PHACTR2: variants seen among roughly 807,000 people sequenced by gnomAD.
The protein encoded by PHACTR2 is phosphatase and actin regulator 2.
PHACTR2 carries 30 observed loss-of-function variants against 76.0 expected under a neutral mutation model. The ratio of observed to expected loss-of-function variants is 0.39; its 90% confidence interval spans 0.30 to 0.54. The LOEUF is 0.54. Ranked by LOEUF, PHACTR2 falls within the 20% of genes least tolerant of loss-of-function variation. PHACTR2 has a pLI of 0.61. For synonymous variants in PHACTR2, 292 were observed against 292.5 expected (o/e 1.00, Z 0.02); for missense variants, 696 against 781.1 (o/e 0.89, Z 1.30).
At chr6:143,632,230 C>T (rs1422497068) in intron 1 of PHACTR2, among the ~76,000 whole-genome samples, 2 of 152,142 alleles carry the variant, frequency 1.3e-5, no homozygotes, top group Non-Finnish European at 2.9e-5. Context: ...GGGAAGGCTG[C>T]TGCTTTGAGG....
At chr6:143,586,356 T>A (rs916650115) in intron 1 of PHACTR2, among the ~76,000 whole-genome samples, 12 of 152,246 alleles carry the variant, frequency 7.9e-5, no homozygotes, top group Non-Finnish European at 2.9e-5. Flanking sequence ...TTACAGAGTA[T>A]CTATGTGAAA....
chr6:143,756,175 C>T (rs1316196800), intron 4 of PHACTR2, among the ~76,000 whole-genome samples: 2 of 152,112 alleles, frequency 1.3e-5, no homozygotes, highest in East Asian at 1.9e-4. Context: ...GAAACATCAC[C>T]GTCAAAGAAA....
In PHACTR2 at chr6:143,664,778, T is replaced by C. The variant is rs2128449171; in HGVS notation, c.14-47238T>C. On this transcript the variant is annotated intron_variant, in intron 1 of 11. Transcript: ENST00000305766. This position sits in a 1 kb window ranked among gnomAD's most constrained non-coding sequence, Gnocchi z 5.1. ...ACCACCCTTACCTCTAGGTTCATTT[T>C]CTTTCTTTATTTTTATTTTATTTTA... 6.6e-6 allele frequency among the ~76,000 whole-genome samples: 1 copy of C among 152,170 alleles called. No homozygotes were observed. The highest frequency in any genetic ancestry group is 2.1e-4 in the South Asian group (1 of 4,816).
At position 143,663,766 on chromosome 6, in the gene PHACTR2, T is replaced by A. The variant is rs1020586184; in HGVS notation, c.14-48250T>A. 2.0e-5 allele frequency among the ~76,000 whole-genome samples: 3 copies of A among 152,172 alleles called. No homozygotes were observed. The highest frequency in any genetic ancestry group is 4.4e-5 in the Non-Finnish European group (3 of 68,002). ...TTAACTAGGTTTTCTTGTTGATTTT[T>A]AATTTAATTACATTATGGTCAGAGA... On this transcript the variant is annotated intron_variant, in intron 1 of 11. Coordinates refer to the PHACTR2 transcript ENST00000305766. The surrounding 1 kb of genome is among the most constrained non-coding windows in gnomAD (Gnocchi z 4.1).
Position 143,618,145 on chromosome 6 carries a change from C to T in PHACTR2, c.13+9823C>T, listed in dbSNP as rs1462819483. ...CTGTACCAAGAGGCTGGGTCAGAGC[C>T]ACGATTAGACATCGATGCTATATTT... On this transcript the variant is annotated intron_variant, in intron 1 of 11. Transcript: ENST00000305766. The surrounding 1 kb of genome is among the most constrained non-coding windows in gnomAD (Gnocchi z 5.2). 1.3e-5 allele frequency among the ~76,000 whole-genome samples: 2 copies of T among 152,042 alleles called. No individual in the cohort carries two copies. The highest frequency in any genetic ancestry group is 2.9e-5 in the Non-Finnish European group (2 of 68,020).
intron 4 of PHACTR2, among the ~76,000 whole-genome samples, chr6:143,758,768 G>T (rs1779364725): frequency 6.6e-6 from 1 of 152,146 alleles, no homozygotes; most frequent in Non-Finnish European, 1.5e-5. Context: ...TGTGGCTGAG[G>T]CAGGATCAAA....
chr6:143,788,519 A>G (rs1382783770), intron 10 of PHACTR2, among the ~76,000 whole-genome samples: 1 of 152,178 alleles, frequency 6.6e-6, no homozygotes, highest in Non-Finnish European at 1.5e-5. Flanking sequence ...GTTGGGGAAA[A>G]TAGCATAATG....
chr6:143,797,907 TA>T (rs1775863367), intron 11 of PHACTR2, among the ~76,000 whole-genome samples: 1 of 152,048 alleles, frequency 6.6e-6, no homozygotes, highest in South Asian at 2.1e-4. Context: ...ATATGAGGTT[TA>T]AAGTAGTTTT....
intron 3 of PHACTR2, among the ~76,000 whole-genome samples, chr6:143,752,131 A>G (rs1278300367): frequency 6.6e-6 from 1 of 152,160 alleles, no homozygotes; most frequent in Non-Finnish European, 1.5e-5. Flanking sequence ...AATTTAATAA[A>G]TCAGTTATTT....
rs1042329143 is a variant in PHACTR2, at chr6:143,679,652, C to T, written c.46+1443C>T. ...AGTGATTTTATCACAAAATATTACT[C>T]GAGTGAATATTAGAAAAGCAAATTT... is the stretch of plus-strand genomic sequence containing the variant. On this transcript the variant is annotated intron_variant, in intron 1 of 12. Coordinates refer to ENST00000440869, the MANE Select transcript of PHACTR2 (RefSeq NM_001100164.2). This position sits in a 1 kb window ranked among gnomAD's most constrained non-coding sequence, Gnocchi z 4.6. Among the ~76,000 whole-genome samples the T allele has an allele frequency of 6.6e-6, 1 of 151,926 alleles. No homozygotes were observed. Among genetic ancestry groups the T allele is most frequent in the Non-Finnish European group, 1.5e-5 (1 of 67,976 alleles).
At chr6:143,568,764 C>T (rs891995434) in intron 1 of PHACTR2, among the ~76,000 whole-genome samples, 1 of 152,178 alleles carries the variant, frequency 6.6e-6, no homozygotes, top group Non-Finnish European at 1.5e-5. Flanking sequence ...TAGCACGTCC[C>T]TTATACACTG....
At chr6:143,569,394 A>G (rs1775412456) in intron 1 of PHACTR2, among the ~76,000 whole-genome samples, 1 of 152,198 alleles carries the variant, frequency 6.6e-6, no homozygotes, top group Non-Finnish European at 1.5e-5. Context: ...AATGGACTTT[A>G]TGTAATTGAG....
Position 143,825,337 on chromosome 6 carries a change from C to T in PHACTR2, c.*1648C>T, listed in dbSNP as rs547052505. The T allele has an allele frequency of 3.3e-5, 5 of 152,268 alleles. No individual in the cohort carries two copies. The highest frequency in any genetic ancestry group is 6.5e-5 in the Admixed American group (1 of 15,306). The allele number at this position is 152,268 out of a possible 1,614,324, so 9.4% of individuals were successfully genotyped here. On this transcript the variant is annotated 3_prime_UTR_variant, in exon 13 of 13. Transcript: ENST00000440869. The surrounding 1 kb of genome is among the most constrained non-coding windows in gnomAD (Gnocchi z 4.1). ...GGTATTTTAAAGAACCACTTGAAAT[C>T]GGATCATTTTATTTAAAAATAAAAA...
chr6:143,634,697 T>C (rs973342363), intron 1 of PHACTR2, among the ~76,000 whole-genome samples: 3 of 152,200 alleles, frequency 2.0e-5, no homozygotes, highest in Non-Finnish European at 4.4e-5. Flanking sequence ...TGTTATAAGG[T>C]GTCAGGCTGA....
chr6:143,677,012 A>G (rs373201442), upstream of PHACTR2, among the ~76,000 whole-genome samples: 3 of 151,902 alleles, frequency 2.0e-5, no homozygotes, highest in South Asian at 6.2e-4. Flanking sequence ...TCTAGGATAA[A>G]TTAAAAAATG....
chr6:143,596,602 G>C lies in PHACTR2; in HGVS notation c.217+59395G>C, dbSNP rs957911922. 1.3e-5 allele frequency among the ~76,000 whole-genome samples: 2 copies of C among 152,150 alleles called. No individual in the cohort carries two copies. Among genetic ancestry groups the C allele is most frequent in the Admixed American group, 6.5e-5 (1 of 15,280 alleles). On this transcript the variant is annotated intron_variant, in intron 1 of 11. Transcript: ENST00000367584. This position sits in a 1 kb window ranked among gnomAD's most constrained non-coding sequence, Gnocchi z 4.6. ...GCCTGTAATCCCAGCATTATGGGAT[G>C]CCAAGGTGGGAGGATCACATGAGCC...
At chr6:143,790,215 GC>G (rs1775649156) in intron 11 of PHACTR2, among the ~76,000 whole-genome samples, 1 of 152,160 alleles carries the variant, frequency 6.6e-6, no homozygotes, top group Non-Finnish European at 1.5e-5. Flanking sequence ...AGGTCAATAA[GC>G]TTGGGTGCGT....
intron 1 of PHACTR2, among the ~76,000 whole-genome samples, chr6:143,567,368 T>C (rs1291788920): frequency 6.6e-6 from 1 of 152,118 alleles, no homozygotes. Context: ...TTGATTTTTA[T>C]TATTTATTGA....
chr6:143,541,419 G>A lies in PHACTR2; in HGVS notation c.217+4212G>A, dbSNP rs1357729760. ...GTGTGGGCTATAGGGAGGACCAAAAGATGTTTTTATTTTCATGTGATGATG... is the reference window on the plus strand; with the variant it reads ...GTGTGGGCTATAGGGAGGACCAAAAAATGTTTTTATTTTCATGTGATGATG... On this transcript the variant is annotated intron_variant, in intron 1 of 11. Transcript: ENST00000367584. The surrounding 1 kb of genome is among the most constrained non-coding windows in gnomAD (Gnocchi z 5.3). Among the ~76,000 whole-genome samples the A allele has an allele frequency of 6.6e-6, 1 of 152,172 alleles. No homozygotes were observed. Among genetic ancestry groups the A allele is most frequent in the Non-Finnish European group, 1.5e-5 (1 of 68,042 alleles).
Sources: gnomAD v4.1 joint callset for allele counts (sites outside exome capture counted in the v4.1 genomes callset) on GRCh38, gnomAD v4.1.1 for gene constraint, Gnocchi (gnomAD v3.1) non-coding constraint, MANE v1.5 for transcripts, NCBI Gene and HGNC (gene_info 2026-07-23, HGNC 2026-07-21) for gene names.